ESRRG: variants seen among roughly 807,000 people sequenced by gnomAD.
ESRRG encodes the protein estrogen related receptor gamma.
A neutral mutation model predicts 44.0 loss-of-function variants in ESRRG; 13 were observed. That is an observed-to-expected ratio of 0.30 (90% CI 0.19 to 0.47). The LOEUF (loss-of-function observed/expected upper bound fraction) is 0.47, where lower values mean the gene tolerates loss of function less well. Ranked by LOEUF, ESRRG falls within the 20% of genes least tolerant of loss-of-function variation. The pLI is 1.00. For synonymous variants in ESRRG, 215 were observed against 214.6 expected (o/e 1.00, Z -0.02); for missense variants, 395 against 580.6 (o/e 0.68, Z 3.29).
chr1:216,853,538 T>A (rs1227112991), intron 2 of ESRRG, among the ~76,000 whole-genome samples: 9 of 152,156 alleles, frequency 5.9e-5, no homozygotes, highest in Admixed American at 5.9e-4. Flanking sequence ...TTCACACACT[T>A]CCTTGTCTTT....
intron 1 of ESRRG, chr1:216,714,723 A>T (rs1307914835): frequency 5.8e-6 from 1 of 172,466 alleles, no homozygotes; most frequent in Non-Finnish European, 1.2e-5. Context: ...CCAACTGAAT[A>T]GTTCAATATA....
intron 2 of ESRRG, among the ~76,000 whole-genome samples, chr1:216,764,317 T>C (rs1390129401): frequency 1.3e-5 from 2 of 151,566 alleles, no homozygotes; most frequent in Non-Finnish European, 2.9e-5. Flanking sequence ...TCCCCCAAGG[T>C]GGAGTGTAGT....
At chr1:216,511,029 T>C (rs2042577442) in intron 6 of ESRRG, among the ~76,000 whole-genome samples, 1 of 152,154 alleles carries the variant, frequency 6.6e-6, no homozygotes, top group Admixed American at 6.5e-5. Flanking sequence ...TGGAATTGAA[T>C]ATTAGATACA....
At chr1:216,738,122 C>T (rs1221346317) in intron 2 of ESRRG, among the ~76,000 whole-genome samples, 2 of 151,872 alleles carry the variant, frequency 1.3e-5, no homozygotes, top group East Asian at 3.9e-4. Flanking sequence ...GCCTGGGTCT[C>T]ACCCAGTGAA....
At chr1:216,700,059 A>G (rs1419908945) in intron 1 of ESRRG, among the ~76,000 whole-genome samples, 7 of 152,056 alleles carry the variant, frequency 4.6e-5, no homozygotes, top group Non-Finnish European at 8.8e-5. Context: ...AGAGAGAGAG[A>G]ACGAAGCACC....
rs549669562 is a variant in ESRRG, at chr1:216,887,969, C to A, written c.-14+51613G>T. ...ATTCATTGTTATGGTGGTTTCTCTGCCTGATTGGTTAAAGAAGACAACACA... is the reference window on the plus strand; with the variant it reads ...ATTCATTGTTATGGTGGTTTCTCTGACTGATTGGTTAAAGAAGACAACACA... On this transcript the variant is annotated intron_variant, in intron 2 of 7. Transcript: ENST00000359162. Among the ~76,000 whole-genome samples the A allele has an allele frequency of 7.3e-5, 11 of 151,712 alleles. 1 individual carries two copies. In the South Asian group the frequency reaches 2.3e-3, roughly 32 times the overall value.
At chr1:217,137,638 G>C (rs1461271256) in intron 1 of ESRRG, 1 of 152,502 alleles carries the variant, frequency 6.6e-6, no homozygotes, top group East Asian at 1.9e-4. Context: ...GGTTATCGCT[G>C]CCGGGCTTGT....
intron 2 of ESRRG, among the ~76,000 whole-genome samples, chr1:216,675,849 C>T (rs1420819726): frequency 6.6e-6 from 1 of 152,196 alleles, no homozygotes; most frequent in Non-Finnish European, 1.5e-5. Context: ...TTTGCCTTTA[C>T]ATTAAGCATC....
At chr1:217,038,535 C>A (rs1186716273) in intron 1 of ESRRG, among the ~76,000 whole-genome samples, 1 of 152,208 alleles carries the variant, frequency 6.6e-6, no homozygotes. Context: ...GGGTTTCCAC[C>A]CTTTGAAGCA....
chr1:216,982,847 A>C (rs2150404747), intron 1 of ESRRG, among the ~76,000 whole-genome samples: 1 of 152,266 alleles, frequency 6.6e-6, no homozygotes, highest in East Asian at 1.9e-4. Context: ...CATCACAGAC[A>C]CTGTTTTTTC....
chr1:216,706,826 G>C (rs2820881), intron 1 of ESRRG, among the ~76,000 whole-genome samples: 129,278 of 152,202 alleles, frequency 0.85, 54,954 homozygotes, highest in South Asian at 0.9. Context: ...AAATGTGAAA[G>C]ACAATAATTT....
intron 1 of ESRRG, among the ~76,000 whole-genome samples, chr1:217,017,244 C>A (rs1226833940): frequency 2.6e-5 from 4 of 152,000 alleles, no homozygotes; most frequent in Non-Finnish European, 5.9e-5. Context: ...CAGCTTCTAC[C>A]CAGGGAGGGG....
At position 217,004,043 on chromosome 1, in the gene ESRRG, G is replaced by A. The variant is rs542796551; in HGVS notation, c.-105-64370C>T. ...ACTGTCTTATGGGGTAAAGGGGAGC[G>A]AGAAGTTACCAGAATCTTGATCCCA... is the stretch of plus-strand genomic sequence containing the variant. On this transcript the variant is annotated intron_variant, in intron 1 of 7. Coordinates refer to the ESRRG transcript ENST00000359162. 1.1e-4 allele frequency among the ~76,000 whole-genome samples: 16 copies of A among 152,154 alleles called. No individual in the cohort carries two copies. In the East Asian group the frequency reaches 1.4e-3, roughly 13 times the overall value.
At chr1:217,040,606 A>T (rs1446295144) in intron 1 of ESRRG, among the ~76,000 whole-genome samples, 1 of 152,058 alleles carries the variant, frequency 6.6e-6, no homozygotes, top group African/African-American at 2.4e-5. Flanking sequence ...AGATTTTTCT[A>T]TTAAAATTTT....
chr1:216,915,395 G>A (rs554215831), intron 2 of ESRRG, among the ~76,000 whole-genome samples: 101 of 152,264 alleles, frequency 6.6e-4, no homozygotes, highest in African/African-American at 2.2e-3. Flanking sequence ...CAACCTATGA[G>A]AAAAACCACC....
intron 1 of ESRRG, among the ~76,000 whole-genome samples, chr1:216,992,823 C>T (rs2075907648): frequency 6.6e-6 from 1 of 152,058 alleles, no homozygotes; most frequent in South Asian, 2.1e-4. Context: ...ACAATAGTTA[C>T]CATTAATTAA....
chr1:216,792,013 T>G (rs976331005), intron 2 of ESRRG, among the ~76,000 whole-genome samples: 3 of 152,046 alleles, frequency 2.0e-5, no homozygotes, highest in Non-Finnish European at 4.4e-5. Context: ...ATAAGAAAAA[T>G]TATTTTAAAT....
At chr1:216,895,554 G>A (rs2058322498) in intron 2 of ESRRG, among the ~76,000 whole-genome samples, 2 of 152,142 alleles carry the variant, frequency 1.3e-5, no homozygotes, top group Admixed American at 6.5e-5. Context: ...GGATACAAAT[G>A]TTCTTCTACC....
At chr1:216,929,960 T>C (rs1435722702) in intron 2 of ESRRG, among the ~76,000 whole-genome samples, 2 of 152,124 alleles carry the variant, frequency 1.3e-5, no homozygotes, top group Admixed American at 1.3e-4. Context: ...CTAACACCCA[T>C]ACTGTATCAC....
Sources: gnomAD v4.1 joint callset for allele counts (sites outside exome capture counted in the v4.1 genomes callset) on GRCh38, gnomAD v4.1.1 for gene constraint, MANE v1.5 for transcripts, NCBI Gene and HGNC (gene_info 2026-07-23, HGNC 2026-07-21) for gene names.